Variants in RPRD1B observed in about 807,000 individuals in gnomAD.
The protein encoded by RPRD1B is regulation of nuclear pre-mRNA domain-containing protein 1B.
A neutral mutation model predicts 41.5 loss-of-function variants in RPRD1B; 11 were observed. The observed-to-expected ratio is 0.27, with a 90% CI of 0.17 to 0.44. The LOEUF (loss-of-function observed/expected upper bound fraction) is 0.44, where lower values mean the gene tolerates loss of function less well. Ranked by LOEUF, RPRD1B falls within the 20% of genes least tolerant of loss-of-function variation. The pLI, the probability that RPRD1B is intolerant of heterozygous loss-of-function variation, is 1.00. For missense variants in RPRD1B, 248 were observed against 389.9 expected (o/e 0.64, Z 3.06); for synonymous variants, 158 against 155.6 (o/e 1.02, Z -0.12).
At chr20:38,041,270 G>T (rs1184043688) in intron 2 of RPRD1B, among the ~76,000 whole-genome samples, 1 of 152,178 alleles carries the variant, frequency 6.6e-6, no homozygotes, top group Non-Finnish European at 1.5e-5. Context: ...ATGTTTATAA[G>T]TAAATATATA....
rs1447805042 is a variant in RPRD1B, at chr20:38,091,445, A to G, written c.*1570A>G. 19 of 985,252 alleles carry G rather than the reference A, an allele frequency of 1.9e-5. No homozygotes were observed. Among genetic ancestry groups the G allele is most frequent in the Non-Finnish European group, 2.3e-5 (19 of 829,930 alleles). The allele number at this position is 985,252 out of a possible 1,614,324, so 61.0% of individuals were successfully genotyped here. On this transcript the variant is annotated 3_prime_UTR_variant, in exon 7 of 7. Transcript: ENST00000373433. ...CTCAGTTTAACTCTGTGTAGAACCT[A>G]GTAGTGTTTGAGCTGTTATTCAGAT...
intron 5 of RPRD1B, among the ~76,000 whole-genome samples, chr20:38,062,837 C>CCCA (rs1555801174): frequency 2.0e-5 from 2 of 98,240 alleles, no homozygotes; most frequent in Non-Finnish European, 3.9e-5. Context: ...AGCCCCCCCC[C>CCCA]CTTTTTTTTT....
chr20:38,089,452 A>G (rs896268814), intron 6 of RPRD1B, among the ~76,000 whole-genome samples: 3 of 152,198 alleles, frequency 2.0e-5, no homozygotes, highest in Non-Finnish European at 4.4e-5. Context: ...TGCAAATACC[A>G]AGTGTTATTT....
chr20:38,092,350 G>T lies in RPRD1B; in HGVS notation c.*2475G>T. Reference sequence around the variant, plus strand: ...TAGATATATATTTTTGAATAAAGATGGTGTTGTTGAACAACATTGTGTGAT... The same window carrying T: ...TAGATATATATTTTTGAATAAAGATTGTGTTGTTGAACAACATTGTGTGAT... On this transcript the variant is annotated 3_prime_UTR_variant, in exon 7 of 7. Coordinates refer to ENST00000373433, the MANE Select transcript of RPRD1B (RefSeq NM_021215.4). 2.0e-6 allele frequency: 2 copies of T among 980,288 alleles called. No homozygotes were observed. Among genetic ancestry groups the T allele is most frequent in the South Asian group, 9.5e-5 (2 of 21,162 alleles). 60.7% of individuals were successfully genotyped at this position (980,288 alleles called of 1,614,324 possible).
chr20:38,050,848 C>T (rs1413371117), intron 3 of RPRD1B, among the ~76,000 whole-genome samples: 2 of 152,172 alleles, frequency 1.3e-5, no homozygotes, highest in African/African-American at 4.8e-5. Flanking sequence ...AAACACACAT[C>T]AAAAGATTTC....
intron 6 of RPRD1B, among the ~76,000 whole-genome samples, chr20:38,072,106 A>C (rs2074418529): frequency 6.6e-6 from 1 of 152,066 alleles, no homozygotes; most frequent in African/African-American, 2.4e-5. Flanking sequence ...AGGTCATGAC[A>C]ATTTTTTTCT....
At chr20:38,053,242 T>C (rs559697476) in intron 3 of RPRD1B, among the ~76,000 whole-genome samples, 127 of 152,162 alleles carry the variant, frequency 8.3e-4, no homozygotes, top group Non-Finnish European at 1.1e-3. Context: ...TTTTAATTTT[T>C]AAAAAAATGT....
intron 5 of RPRD1B, among the ~76,000 whole-genome samples, chr20:38,065,115 C>T (rs2074341149): frequency 6.6e-6 from 1 of 152,226 alleles, no homozygotes; most frequent in Non-Finnish European, 1.5e-5. Context: ...TGTTCAGAAA[C>T]ATTTAAAAAC....
rs2074597537 is a variant in RPRD1B at position 38,089,844 on chromosome 20, C to T, written c.950C>T (p.Pro317Leu). 6.2e-7 allele frequency: 1 copy of T among 1,614,080 alleles called. No homozygotes were observed. Reference sequence around the variant, plus strand: ...GTCACAGGGGGCTTAGCCCCCCTGCCCTCTGCTGGGGACCTGTTTTCAACT... The same window carrying T: ...GTCACAGGGGGCTTAGCCCCCCTGCTCTCTGCTGGGGACCTGTTTTCAACT... ...PNVTGGLAPL[P>L]SAGDLFSTD is the part of the protein sequence containing the mutation. Residue 317 changes from proline (P) to leucine (L), a missense_variant, in exon 7 of 7, where the codon CCC (proline) becomes CTC (leucine). By Grantham distance (98) the Pro-to-Leu change is moderately conservative. This residue lies in a region of RPRD1B where 93 missense variants were observed against 167.2 expected (regional missense o/e 0.56). Coordinates refer to ENST00000373433, the MANE Select transcript of RPRD1B (RefSeq NM_021215.4).
chr20:38,091,029 A>G lies in RPRD1B; in HGVS notation c.*1154A>G, dbSNP rs1049923134. The G allele has an allele frequency of 9.1e-6, 9 of 985,590 alleles. No homozygotes were observed. Among genetic ancestry groups the G allele is most frequent in the African/African-American group, 7.0e-5 (4 of 57,210 alleles). 61.1% of individuals were successfully genotyped at this position (985,590 alleles called of 1,614,324 possible). A position where few individuals can be genotyped will look rare whatever the true frequency, so the allele number is the denominator to read the frequency against. The stretch of plus-strand genomic sequence containing the variant: ...AATTGGGGGTTTTAATTCTATTATC[A>G]TGTCAGCTGACATTATGACTATATA... On this transcript the variant is annotated 3_prime_UTR_variant, in exon 7 of 7. Coordinates refer to ENST00000373433, the MANE Select transcript of RPRD1B (RefSeq NM_021215.4).
intron 6 of RPRD1B, chr20:38,070,393 T>TA (rs1443967159): frequency 1.0e-6 from 1 of 985,298 alleles, no homozygotes; most frequent in African/African-American, 1.7e-5. Context: ...AAGAGGAGGT[T>TA]AGAGAATGTG....
chr20:38,051,778 G>A (rs2074187032), intron 3 of RPRD1B, among the ~76,000 whole-genome samples: 1 of 152,156 alleles, frequency 6.6e-6, no homozygotes, highest in African/African-American at 2.4e-5. Context: ...TTGAGATGAA[G>A]TCTTGCTCTG....
intron 3 of RPRD1B, 115 bp downstream of exon 3, chr20:38,048,596 G>A (rs2074145243): frequency 6.8e-7 from 1 of 1,474,554 alleles, no homozygotes; most frequent in Non-Finnish European, 9.0e-7. Context: ...ATTCTTCAGA[G>A]AGACAGATGA....
intron 6 of RPRD1B, among the ~76,000 whole-genome samples, chr20:38,084,308 C>CT (rs1281560047): frequency 6.6e-6 from 1 of 152,104 alleles, no homozygotes; most frequent in African/African-American, 2.4e-5. Flanking sequence ...CTTTATGACT[C>CT]TTAATTGGGG....
intron 6 of RPRD1B, among the ~76,000 whole-genome samples, chr20:38,067,817 C>G (rs754048048): frequency 1.3e-5 from 2 of 152,180 alleles, no homozygotes; most frequent in Non-Finnish European, 2.9e-5. Context: ...CACTGTGCCC[C>G]GGGACTAATA....
chr20:38,090,305 T>C lies in RPRD1B; in HGVS notation c.*430T>C. ...GTTCAAGTTCGGTGTGGGCTTCCAC[T>C]AAGGCACTTGTCCTGGAGACGTTGG... is the stretch of plus-strand genomic sequence containing the variant. On this transcript the variant is annotated 3_prime_UTR_variant, in exon 7 of 7. Transcript: ENST00000373433. The C allele has an allele frequency of 2.0e-6, 2 of 987,914 alleles. No individual in the cohort carries two copies. Among genetic ancestry groups the C allele is most frequent in the Non-Finnish European group, 2.4e-6 (2 of 831,284 alleles). 61.2% of individuals were successfully genotyped at this position (987,914 alleles called of 1,614,324 possible). A position where few individuals can be genotyped will look rare whatever the true frequency, so the allele number is the denominator to read the frequency against.
At chr20:38,084,986 G>A (rs1293424766) in intron 6 of RPRD1B, among the ~76,000 whole-genome samples, 1 of 152,128 alleles carries the variant, frequency 6.6e-6, no homozygotes, top group African/African-American at 2.4e-5. Flanking sequence ...GGCCCCCCAC[G>A]GCTCTTCTGG....
Position 38,091,616 on chromosome 20 carries a change from T to C in RPRD1B, c.*1741T>C, listed in dbSNP as rs1439692296. The C allele has an allele frequency of 7.1e-6, 7 of 985,570 alleles. No homozygotes were observed. The highest frequency in any genetic ancestry group is 6.0e-6 in the Non-Finnish European group (5 of 830,126). 61.1% of individuals were successfully genotyped at this position (985,570 alleles called of 1,614,324 possible). A position where few individuals can be genotyped will look rare whatever the true frequency, so the allele number is the denominator to read the frequency against. ...GATAAATTGTAATCTTTGCTGCTGC[T>C]GCACTCCCCAACCTCTCCCCCACCC... is the stretch of plus-strand genomic sequence containing the variant. On this transcript the variant is annotated 3_prime_UTR_variant, in exon 7 of 7. Coordinates refer to ENST00000373433, the MANE Select transcript of RPRD1B (RefSeq NM_021215.4).
At position 38,092,045 on chromosome 20, in the gene RPRD1B, GTTTAA is replaced by G. The variant is rs2074615919; in HGVS notation, c.*2176_*2180del. ...CTCCCAAAGTGTGCTTACTTCATTT[GTTTAA>G]TTTAAATGAACTTTCCTCCTTGTAT... On this transcript the variant is annotated 3_prime_UTR_variant, in exon 7 of 7. Transcript: ENST00000373433. The G allele has an allele frequency of 1.2e-5, 12 of 985,652 alleles. No individual in the cohort carries two copies. The highest frequency in any genetic ancestry group is 1.3e-5 in the Non-Finnish European group (11 of 829,892). The allele number at this position is 985,652 out of a possible 1,614,324, so 61.1% of individuals were successfully genotyped here.
Sources: allele counts gnomAD v4.1 joint callset (sites outside exome capture counted in the v4.1 genomes callset), GRCh38; gene constraint gnomAD v4.1.1; regional missense constraint gnomAD v4.1.1; transcripts MANE v1.5; gene names NCBI Gene and HGNC (gene_info 2026-07-23, HGNC 2026-07-21).